RFX2: variants seen among roughly 807,000 people sequenced by gnomAD.
RFX2 encodes the protein regulatory factor X2, also known as DNA-binding protein RFX2.
Under a neutral mutation model 87.8 loss-of-function variants are expected in RFX2, and 20 were observed. The observed-to-expected ratio is 0.23, with a 90% CI of 0.16 to 0.33. The LOEUF is 0.33. Among genes scored for constraint, RFX2 ranks in the 10% least tolerant of loss-of-function variants. The probability of loss-of-function intolerance (pLI) is 1.00; values close to 1 mark genes in which losing one functional copy is unlikely to be tolerated. For synonymous variants in RFX2, 397 were observed against 431.3 expected, an observed-to-expected ratio of 0.92 and a Z score of 0.98; for missense variants, 767 against 1,012.3, an observed-to-expected ratio of 0.76 and a Z score of 3.29.
chr19:6,046,930 ATTT>A (rs558543579), intron 2 of RFX2, among the ~76,000 whole-genome samples: 3 of 137,250 alleles, frequency 2.2e-5, no homozygotes, highest in Admixed American at 7.3e-5. Context: ...CGCTTGGCTA[ATTT>A]TTTTTTTTTT....
Position 6,027,945 on chromosome 19 carries a change from A to G in RFX2, c.523-1708T>C, listed in dbSNP as rs2086911389. On this transcript the variant is annotated intron_variant, in intron 5 of 17. Transcript: ENST00000303657. This position sits in a 1 kb window ranked among gnomAD's most constrained non-coding sequence, Gnocchi z 5.0. Reference sequence around the variant, plus strand: ...CCAGCTAATTTTTGTATTTTTTAGCAGAGACGGGATTTCTCTACGTTGGCC... The same window carrying G: ...CCAGCTAATTTTTGTATTTTTTAGCGGAGACGGGATTTCTCTACGTTGGCC... 6.6e-6 allele frequency among the ~76,000 whole-genome samples: 1 copy of G among 152,108 alleles called. No homozygotes were observed. The highest frequency in any genetic ancestry group is 1.5e-5 in the Non-Finnish European group (1 of 68,030).
Position 6,002,122 on chromosome 19 carries a change from C to T in RFX2, c.1651-99G>A. 9.4e-7 allele frequency: 1 copy of T among 1,068,422 alleles called. No homozygotes were observed. 66.2% of individuals were successfully genotyped at this position (1,068,422 alleles called of 1,614,324 possible). A position where few individuals can be genotyped will look rare whatever the true frequency, so the allele number is the denominator to read the frequency against. On this transcript the variant is annotated intron_variant, in intron 14 of 17. Transcript: ENST00000303657. The surrounding 1 kb of genome is among the most constrained non-coding windows in gnomAD (Gnocchi z 6.7). The stretch of plus-strand genomic sequence containing the variant: ...GCTCAGGGCGGGACATCGTGCTGTG[C>T]TTGAGCCTTCTCGCCCTTGACCTTG...
Position 6,010,291 on chromosome 19 carries a change from C to A in RFX2, c.900-40G>T. The A allele has an allele frequency of 7.2e-7, 1 of 1,388,650 alleles. No homozygotes were observed. 86.0% of individuals were successfully genotyped at this position (1,388,650 alleles called of 1,614,324 possible). ...CGCATACCATCATGAGGCCCAGCAG[C>A]CCTGCTGCGGGTGGGCCCAAAGACT... is the stretch of plus-strand genomic sequence containing the variant. On this transcript the variant is annotated intron_variant, in intron 8 of 17. Coordinates refer to ENST00000303657, the MANE Select transcript of RFX2 (RefSeq NM_000635.4). The surrounding 1 kb of genome is among the most constrained non-coding windows in gnomAD (Gnocchi z 5.0).
intron 1 of RFX2, among the ~76,000 whole-genome samples, chr19:6,051,106 A>G (rs140376750): frequency 1.1e-4 from 17 of 152,334 alleles, no homozygotes; most frequent in Middle Eastern, 3.4e-3. Flanking sequence ...AAAACCTGAT[A>G]AAATTTTCTG....
intron 1 of RFX2, among the ~76,000 whole-genome samples, chr19:6,059,838 TGAG>T (rs1327925849): frequency 6.6e-6 from 1 of 152,018 alleles, no homozygotes; most frequent in Non-Finnish European, 1.5e-5. Flanking sequence ...CAGGATAATA[TGAG>T]AAGAATGGCC....
At chr19:6,028,383 T>G (rs2086916491) in intron 5 of RFX2, among the ~76,000 whole-genome samples, 2 of 152,168 alleles carry the variant, frequency 1.3e-5, no homozygotes, top group African/African-American at 4.8e-5. Flanking sequence ...AGATATATAG[T>G]TGGAAAAGGA....
rs2086507352 is a variant in RFX2, at chr19:6,002,646, C to A, written c.1650+75G>T. The A allele has an allele frequency of 1.9e-6, 3 of 1,570,230 alleles. No homozygotes were observed. Among genetic ancestry groups the A allele is most frequent in the East Asian group, 2.2e-5 (1 of 44,544 alleles). ...GGCAGGGGCCAGGTTGTGCCACGGG[C>A]TCCACTTGGTGGGTTTGCTGGTTTT... is the stretch of plus-strand genomic sequence containing the variant. On this transcript the variant is annotated intron_variant, in intron 14 of 17. Transcript: ENST00000303657. The surrounding 1 kb of genome is among the most constrained non-coding windows in gnomAD (Gnocchi z 6.7).
chr19:6,078,585 A>G (rs1310144800), intron 1 of RFX2, among the ~76,000 whole-genome samples: 1 of 151,922 alleles, frequency 6.6e-6, no homozygotes, highest in Non-Finnish European at 1.5e-5. Flanking sequence ...TGTTGAAAAA[A>G]CCCCAGCTAT....
At chr19:6,028,482 T>C (rs2086917113) in intron 5 of RFX2, among the ~76,000 whole-genome samples, 2 of 152,226 alleles carry the variant, frequency 1.3e-5, no homozygotes, top group Admixed American at 1.3e-4. Context: ...TCTTAAAGGT[T>C]AGCTGCAATG....
chr19:6,059,129 A>G (rs2087391604), intron 1 of RFX2, among the ~76,000 whole-genome samples: 2 of 152,048 alleles, frequency 1.3e-5, no homozygotes, highest in South Asian at 4.1e-4. Flanking sequence ...ATAGGTGAGC[A>G]CCAGCACGCC....
At chr19:6,009,111 A>G (rs2086627483) in intron 9 of RFX2, among the ~76,000 whole-genome samples, 1 of 152,170 alleles carries the variant, frequency 6.6e-6, no homozygotes, top group South Asian at 2.1e-4. Context: ...GCAAGTACCC[A>G]CAGAGCCAGC....
intron 1 of RFX2, chr19:6,073,461 G>T: frequency 1.1e-6 from 1 of 903,690 alleles, no homozygotes; most frequent in Non-Finnish European, 1.7e-6. Flanking sequence ...AACCATCGTG[G>T]AAAGGGCCGC....
At chr19:6,089,366 G>A (rs958716921) in intron 1 of RFX2, among the ~76,000 whole-genome samples, 1 of 152,160 alleles carries the variant, frequency 6.6e-6, no homozygotes, top group Non-Finnish European at 1.5e-5. Flanking sequence ...GAGTGTGCAC[G>A]GGCAGGAGCT....
At position 6,011,815 on chromosome 19, in the gene RFX2, G is replaced by C. The variant is rs1433767822; in HGVS notation, c.899+1171C>G. Among the ~76,000 whole-genome samples the C allele has an allele frequency of 6.6e-6, 1 of 152,224 alleles. No homozygotes were observed. The highest frequency in any genetic ancestry group is 1.5e-5 in the Non-Finnish European group (1 of 68,042). ...CGGGTGGCTCTGTGCAGAGGGTCCA[G>C]CACCAGGTGTAAAGGTGCCACGTGG... On this transcript the variant is annotated intron_variant, in intron 8 of 17. Coordinates refer to ENST00000303657, the MANE Select transcript of RFX2 (RefSeq NM_000635.4). This position sits in a 1 kb window ranked among gnomAD's most constrained non-coding sequence, Gnocchi z 4.8.
At chr19:6,054,466 A>G (rs577582812) in intron 1 of RFX2, among the ~76,000 whole-genome samples, 22 of 152,324 alleles carry the variant, frequency 1.4e-4, no homozygotes, top group Admixed American at 1.3e-3. Flanking sequence ...TTATGCACAT[A>G]TATGCAAAAA....
rs1049080399 is a variant in RFX2 at position 5,997,896 on chromosome 19, CACAG to C, written c.1860-687_1860-684del. The stretch of plus-strand genomic sequence containing the variant: ...TACATGAAATTCACATTTTGGTGTC[CACAG>C]ACAGTTTCACTGGCACGCGTCATGC... On this transcript the variant is annotated intron_variant, in intron 15 of 17. Coordinates refer to ENST00000303657, the MANE Select transcript of RFX2 (RefSeq NM_000635.4). The surrounding 1 kb of genome is among the most constrained non-coding windows in gnomAD (Gnocchi z 4.2). 1.1e-4 allele frequency among the ~76,000 whole-genome samples: 16 copies of C among 152,300 alleles called. No homozygotes were observed. Among genetic ancestry groups the C allele is most frequent in the African/African-American group, 3.6e-4 (15 of 41,564 alleles).
At chr19:6,019,544 G>GTGTGTGTGTGTA (rs386388444) in intron 6 of RFX2, among the ~76,000 whole-genome samples, 17 of 143,174 alleles carry the variant, frequency 1.2e-4, no homozygotes, top group African/African-American at 4.1e-4. Context: ...GTGTGTGTGT[G>GTGTGTGTGTGTA]TATATACTTT....
chr19:5,995,036 G>A (rs561064147), intron 17 of RFX2, 86 bp from the exon 18 acceptor site: 42 of 1,040,752 alleles, frequency 4.0e-5, no homozygotes, highest in Non-Finnish European at 5.2e-5. Flanking sequence ...GAACTGCTCC[G>A]GCACGCCAGG....
chr19:6,033,014 C>A lies in RFX2; in HGVS notation c.523-6777G>T, dbSNP rs534825913. 8.9e-4 allele frequency among the ~76,000 whole-genome samples: 135 copies of A among 152,270 alleles called. 1 individual carries two copies. Among genetic ancestry groups the A allele is most frequent in the African/African-American group, 3.0e-3 (125 of 41,552 alleles). ...ATGTTGCCCAGGCTTGTCTTGAACTCCTGGGCTGAAGCAGTCCCACTTGCT... is the reference window on the plus strand; with the variant it reads ...ATGTTGCCCAGGCTTGTCTTGAACTACTGGGCTGAAGCAGTCCCACTTGCT... On this transcript the variant is annotated intron_variant, in intron 5 of 17. Coordinates refer to ENST00000303657, the MANE Select transcript of RFX2 (RefSeq NM_000635.4).
Sources: gnomAD v4.1 joint callset for allele counts (sites outside exome capture counted in the v4.1 genomes callset) on GRCh38, gnomAD v4.1.1 for gene constraint, Gnocchi (gnomAD v3.1) non-coding constraint, MANE v1.5 for transcripts, NCBI Gene and HGNC (gene_info 2026-07-23, HGNC 2026-07-21) for gene names.